SHC4: variants seen among roughly 807,000 people sequenced by gnomAD.
SHC4 encodes the protein SHC-transforming protein 4.
SHC4 carries 41 observed loss-of-function variants against 69.4 expected under a neutral mutation model. That is an observed-to-expected ratio of 0.59 (90% CI 0.46 to 0.77). The LOEUF is 0.77. SHC4 is among the 30% of genes least tolerant of loss of function. The pLI, the probability that SHC4 is intolerant of heterozygous loss-of-function variation, is 0.00. For synonymous variants in SHC4, 318 were observed against 299.3 expected, an observed-to-expected ratio of 1.06 and a Z score of -0.64; for missense variants, 777 against 783.8, an observed-to-expected ratio of 0.99 and a Z score of 0.10.
At chr15:48,913,556 T>A (rs1007611198) in intron 2 of SHC4, among the ~76,000 whole-genome samples, 4 of 152,152 alleles carry the variant, frequency 2.6e-5, no homozygotes, top group African/African-American at 9.7e-5. Context: ...AGGTCTTGGT[T>A]CTTTCCCTAC....
At position 48,891,920 on chromosome 15, in the gene SHC4, T is replaced by C. The variant is rs568314003; in HGVS notation, c.657-1109A>G. ...CCCAGGCTGGAGTGCAGTGGCGCGA[T>C]CTCAGCTCACTGCAAGCTCCGCTTC... On this transcript the variant is annotated intron_variant, in intron 2 of 11. Coordinates refer to ENST00000332408, the MANE Select transcript of SHC4 (RefSeq NM_203349.4). 4.6e-5 allele frequency among the ~76,000 whole-genome samples: 7 copies of C among 152,238 alleles called. No homozygotes were observed. The South Asian group carries it at 1.5e-3, about 32-fold the overall frequency.
intron 9 of SHC4, among the ~76,000 whole-genome samples, chr15:48,846,555 T>G (rs1899096307): frequency 1.3e-5 from 2 of 152,196 alleles, no homozygotes; most frequent in African/African-American, 4.8e-5. Context: ...CCCTGAATCC[T>G]TCCCTCCCTA....
intron 11 of SHC4, among the ~76,000 whole-genome samples, chr15:48,834,491 C>A (rs560613249): frequency 2.0e-5 from 3 of 152,246 alleles, no homozygotes; most frequent in African/African-American, 4.8e-5. Flanking sequence ...CAAACAGCTG[C>A]AAATTCCTTT....
chr15:48,927,372 G>A (rs1288379750), intron 1 of SHC4, among the ~76,000 whole-genome samples: 2 of 152,158 alleles, frequency 1.3e-5, no homozygotes, highest in South Asian at 4.1e-4. Flanking sequence ...GGTCTTGTTG[G>A]TGAGGAGGTG....
At chr15:48,836,740 T>A (rs1227370041) in intron 10 of SHC4, among the ~76,000 whole-genome samples, 1 of 152,186 alleles carries the variant, frequency 6.6e-6, no homozygotes. Flanking sequence ...AGGCAACCAG[T>A]GTGCTGTAGT....
chr15:48,915,600 T>C (rs1595756046), intron 2 of SHC4, among the ~76,000 whole-genome samples: 2 of 152,162 alleles, frequency 1.3e-5, no homozygotes, highest in African/African-American at 4.8e-5. Flanking sequence ...TGAGGGGAGA[T>C]CAACTTTGGA....
At chr15:48,941,039 G>A (rs1043281049) in intron 1 of SHC4, among the ~76,000 whole-genome samples, 6 of 152,154 alleles carry the variant, frequency 3.9e-5, no homozygotes, top group African/African-American at 9.7e-5. Flanking sequence ...ACCAGGGCTC[G>A]AAGGGACCTT....
At chr15:48,958,869 C>A (rs1034764675) in intron 1 of SHC4, among the ~76,000 whole-genome samples, 4 of 152,216 alleles carry the variant, frequency 2.6e-5, no homozygotes, top group African/African-American at 9.6e-5. Flanking sequence ...CTACTTTGCC[C>A]AGACTGGGAT....
intron 11 of SHC4, among the ~76,000 whole-genome samples, chr15:48,832,309 C>T (rs1898820552): frequency 6.6e-6 from 1 of 151,976 alleles, no homozygotes; most frequent in Non-Finnish European, 1.5e-5. Context: ...GATGGTTTTG[C>T]CAGATGGAGT....
intron 2 of SHC4, among the ~76,000 whole-genome samples, chr15:48,904,984 A>G (rs1314464746): frequency 6.6e-6 from 1 of 151,734 alleles, no homozygotes; most frequent in East Asian, 1.9e-4. Context: ...GATGGCACCC[A>G]TAAGCCAAAC....
chr15:48,915,170 CA>C (rs1335867856), intron 2 of SHC4, among the ~76,000 whole-genome samples: 1 of 152,180 alleles, frequency 6.6e-6, no homozygotes, highest in African/African-American at 2.4e-5. Context: ...GTTGCCTTAG[CA>C]GCTATATTTC....
intron 11 of SHC4, among the ~76,000 whole-genome samples, chr15:48,829,198 A>AT (rs1898749695): frequency 6.6e-6 from 1 of 152,220 alleles, no homozygotes; most frequent in Non-Finnish European, 1.5e-5. Context: ...CTTGAGAAGA[A>AT]TATGTATTCT....
chr15:48,857,922 GAGC>G (rs1899360987), intron 6 of SHC4, 107 bp from the exon 7 acceptor site: 1 of 854,470 alleles, frequency 1.2e-6, no homozygotes, highest in Non-Finnish European at 1.6e-6. Context: ...GAATAAAAGG[GAGC>G]AGGATTACAA....
At chr15:48,905,230 A>C (rs775253253) in intron 2 of SHC4, among the ~76,000 whole-genome samples, 21 of 152,124 alleles carry the variant, frequency 1.4e-4, no homozygotes, top group Admixed American at 2.6e-4. Context: ...TATCAACCCA[A>C]CTATGTTCTA....
At chr15:48,960,988 C>G (rs993400445) in intron 1 of SHC4, among the ~76,000 whole-genome samples, 1 of 152,110 alleles carries the variant, frequency 6.6e-6, no homozygotes, top group Non-Finnish European at 1.5e-5. Context: ...GTTCACTACT[C>G]TATTAGTTAT....
chr15:48,914,115 C>T (rs777907449), intron 2 of SHC4, among the ~76,000 whole-genome samples: 4 of 152,236 alleles, frequency 2.6e-5, no homozygotes, highest in Non-Finnish European at 5.9e-5. Flanking sequence ...TCTGCCTTGG[C>T]CTCCCAAAGT....
chr15:48,942,179 T>A lies in SHC4; in HGVS notation c.586-17230A>T, dbSNP rs202077264. On this transcript the variant is annotated intron_variant, in intron 1 of 11. Coordinates refer to ENST00000332408, the MANE Select transcript of SHC4 (RefSeq NM_203349.4). Reference sequence around the variant, plus strand: ...GGTGACCTGTTAGTCAGTATTTTTTTAAAAAAACAAAAACCCTAGATTCAT... The same window carrying A: ...GGTGACCTGTTAGTCAGTATTTTTTAAAAAAAACAAAAACCCTAGATTCAT... Among the ~76,000 whole-genome samples, 11 of 152,010 alleles carry A rather than the reference T, an allele frequency of 7.2e-5. No individual in the cohort carries two copies. In the South Asian group the frequency reaches 1.0e-3, roughly 14 times the overall value.
intron 1 of SHC4, among the ~76,000 whole-genome samples, chr15:48,935,552 A>G (rs902855968): frequency 2.0e-5 from 3 of 152,198 alleles, no homozygotes; most frequent in African/African-American, 7.2e-5. Flanking sequence ...GTTCCTTCTT[A>G]AAGGGGTATA....
chr15:48,840,174 G>T (rs1292873425), intron 10 of SHC4, among the ~76,000 whole-genome samples: 1 of 152,198 alleles, frequency 6.6e-6, no homozygotes, highest in Non-Finnish European at 1.5e-5. Context: ...CCAATCCCGT[G>T]GCACTAATCT....
Sources: allele counts gnomAD v4.1 joint callset (sites outside exome capture counted in the v4.1 genomes callset), GRCh38; gene constraint gnomAD v4.1.1; transcripts MANE v1.5; gene names NCBI Gene and HGNC (gene_info 2026-07-23, HGNC 2026-07-21).